The following CNBD1 variants were observed in gnomAD, a reference collection of about 807,000 sequenced individuals.
CNBD1 encodes cyclic nucleotide-binding domain-containing protein 1.
In CNBD1, 71 loss-of-function variants were observed where a neutral mutation model predicts 54.4. The ratio of observed to expected loss-of-function variants is 1.30; its 90% CI spans 1.08 to 1.59. CNBD1 has a LOEUF of 1.59. Ranked by LOEUF, CNBD1 falls within the 40% of genes most tolerant of loss-of-function variation. The pLI is 0.00. For missense variants in CNBD1, 659 were observed against 518.0 expected, an observed-to-expected ratio of 1.27 and a Z score of -2.64; for synonymous variants, 182 against 170.7, an observed-to-expected ratio of 1.07 and a Z score of -0.51.
rs554950351 is a variant in CNBD1 at position 87,025,661 on chromosome 8, C to G, written c.431+85907C>G. Among the ~76,000 whole-genome samples the G allele has an allele frequency of 7.9e-5, 12 of 152,272 alleles. No individual in the cohort carries two copies. The East Asian group carries it at 2.3e-3, about 29-fold the overall frequency. On this transcript the variant is annotated intron_variant, in intron 4 of 10. Coordinates refer to ENST00000518476, the MANE Select transcript of CNBD1 (RefSeq NM_173538.3). ...TTTACTCCTGAAGTCAGCAAGACAA[C>G]GAACCCAGTGGGTGGAACAGACAAC...
At chr8:87,267,332 G>A (rs563642951) in intron 6 of CNBD1, among the ~76,000 whole-genome samples, 1 of 152,132 alleles carries the variant, frequency 6.6e-6, no homozygotes, top group South Asian at 2.1e-4. Flanking sequence ...AATGTACAGT[G>A]AATATTATTT....
chr8:87,373,243 C>T (rs1226975381), intron 10 of CNBD1, among the ~76,000 whole-genome samples: 1 of 151,760 alleles, frequency 6.6e-6, no homozygotes, highest in Non-Finnish European at 1.5e-5. Context: ...AATGATACTT[C>T]TACTGACCCA....
At chr8:87,344,650 G>A (rs1416926186) in intron 8 of CNBD1, among the ~76,000 whole-genome samples, 1 of 152,014 alleles carries the variant, frequency 6.6e-6, no homozygotes, top group Non-Finnish European at 1.5e-5. Context: ...AGCAGAATAT[G>A]TCTTGAATCT....
intron 10 of CNBD1, among the ~76,000 whole-genome samples, chr8:87,364,228 T>A (rs1246504838): frequency 6.6e-6 from 1 of 150,768 alleles, no homozygotes; most frequent in Non-Finnish European, 1.5e-5. Flanking sequence ...TAAGTATCTA[T>A]ATATATGTAT....
intron 4 of CNBD1, among the ~76,000 whole-genome samples, chr8:87,071,989 T>C (rs1407564756): frequency 6.6e-6 from 1 of 152,150 alleles, no homozygotes; most frequent in Non-Finnish European, 1.5e-5. Flanking sequence ...TGAATCTGGG[T>C]GCTCCTGTGT....
At chr8:86,947,674 G>A (rs1345773454) in intron 4 of CNBD1, among the ~76,000 whole-genome samples, 1 of 151,974 alleles carries the variant, frequency 6.6e-6, no homozygotes, top group Non-Finnish European at 1.5e-5. Context: ...GGGCACATGA[G>A]ATGTTTTGAT....
chr8:87,393,541 A>G (rs1811352581), intron 2 of CNBD1, among the ~76,000 whole-genome samples: 1 of 151,884 alleles, frequency 6.6e-6, no homozygotes, highest in Admixed American at 6.6e-5. Flanking sequence ...ACTATAAACC[A>G]TGGTTTCTTC....
chr8:87,281,322 T>C (rs1297441412), intron 6 of CNBD1, among the ~76,000 whole-genome samples: 2 of 151,156 alleles, frequency 1.3e-5, no homozygotes, highest in Non-Finnish European at 3.0e-5. Context: ...GAAATTTTAA[T>C]AAATATTCTG....
Position 87,226,622 on chromosome 8 carries a change from C to T in CNBD1, c.578-10297C>T, listed in dbSNP as rs185105463. 4.2e-4 allele frequency among the ~76,000 whole-genome samples: 63 copies of T among 151,322 alleles called. No individual in the cohort carries two copies. The East Asian group carries it at 0.012, about 28-fold the overall frequency. On this transcript the variant is annotated intron_variant, in intron 5 of 10. Transcript: ENST00000518476. ...TCTGAGAGATAGTTTGTTGTAATTT[C>T]TGTTCTTTTGCATTTTCTGAGGAGA...
chr8:86,907,624 C>T (rs961140503), intron 3 of CNBD1, among the ~76,000 whole-genome samples: 7 of 151,328 alleles, frequency 4.6e-5, no homozygotes, highest in Middle Eastern at 3.4e-3. Flanking sequence ...GCCAAGATTG[C>T]GCCACTGCAC....
intron 8 of CNBD1, among the ~76,000 whole-genome samples, chr8:87,293,168 CT>C (rs1378852524): frequency 2.6e-5 from 4 of 151,980 alleles, no homozygotes; most frequent in Admixed American, 6.6e-5. Context: ...TGAAATTTGT[CT>C]CTTCATATTT....
chr8:86,896,221 T>TA (rs1452863782), intron 2 of CNBD1, among the ~76,000 whole-genome samples: 1 of 152,114 alleles, frequency 6.6e-6, no homozygotes, highest in Admixed American at 6.5e-5. Flanking sequence ...AATTATTTTT[T>TA]AAAAATTATT....
At chr8:87,355,000 C>T (rs555535562) in intron 10 of CNBD1, among the ~76,000 whole-genome samples, 3 of 152,038 alleles carry the variant, frequency 2.0e-5, no homozygotes, top group Admixed American at 6.6e-5. Context: ...GTTAAAATGG[C>T]GATCATTAAA....
chr8:87,068,855 C>T (rs1383719838), intron 4 of CNBD1, among the ~76,000 whole-genome samples: 2 of 151,996 alleles, frequency 1.3e-5, no homozygotes, highest in Non-Finnish European at 2.9e-5. Context: ...TTGTTGTACC[C>T]TTGGAGGAGG....
rs191309342 is a variant in CNBD1, at chr8:87,301,100, A to G, written c.1042+14429A>G. Among the ~76,000 whole-genome samples the G allele has an allele frequency of 3.5e-3, 530 of 152,290 alleles. 2 individuals are homozygous for G. Among genetic ancestry groups the G allele is most frequent in the South Asian group, 0.014 (66 of 4,824 alleles). Reference sequence around the variant, plus strand: ...ACATACATAAACTAGAAGACCTAGAAGAGATGGATAAATTCCTGGAAAAAA... The same window carrying G: ...ACATACATAAACTAGAAGACCTAGAGGAGATGGATAAATTCCTGGAAAAAA... On this transcript the variant is annotated intron_variant, in intron 8 of 10. Coordinates refer to ENST00000518476, the MANE Select transcript of CNBD1 (RefSeq NM_173538.3).
At chr8:87,320,301 C>A (rs1809493120) in intron 8 of CNBD1, among the ~76,000 whole-genome samples, 1 of 152,014 alleles carries the variant, frequency 6.6e-6, no homozygotes, top group Non-Finnish European at 1.5e-5. Context: ...CACTTAATTA[C>A]ATTAAGTGAT....
intron 4 of CNBD1, among the ~76,000 whole-genome samples, chr8:87,152,806 G>A (rs1484517955): frequency 6.6e-6 from 1 of 152,106 alleles, no homozygotes; most frequent in Non-Finnish European, 1.5e-5. Flanking sequence ...GAAAAACAAA[G>A]GTCTGCAAGT....
chr8:87,033,651 T>A (rs1180567155), intron 4 of CNBD1, among the ~76,000 whole-genome samples: 1 of 152,210 alleles, frequency 6.6e-6, no homozygotes, highest in Admixed American at 6.5e-5. Flanking sequence ...TTTATCTTCC[T>A]TACTAATAAA....
intron 2 of CNBD1, among the ~76,000 whole-genome samples, chr8:87,422,708 G>T (rs1247467128): frequency 6.6e-6 from 1 of 152,160 alleles, no homozygotes; most frequent in Non-Finnish European, 1.5e-5. Context: ...CAGGTAGTGT[G>T]ATGCCTCCAG....
Sources: gnomAD v4.1 joint callset for allele counts (sites outside exome capture counted in the v4.1 genomes callset) on GRCh38, gnomAD v4.1.1 for gene constraint, MANE v1.5 for transcripts, NCBI Gene and HGNC (gene_info 2026-07-23, HGNC 2026-07-21) for gene names.